UGT1A9: variants seen among roughly 807,000 people sequenced by gnomAD.
The protein encoded by UGT1A9 is UDP-glucuronosyltransferase 1A9.
Under a neutral mutation model 45.0 loss-of-function variants are expected in UGT1A9, and 35 were observed. The ratio of observed to expected loss-of-function variants is 0.78; its 90% CI spans 0.59 to 1.03. The LOEUF is 1.03. Ranked by LOEUF, UGT1A9 falls within the 50% of genes least tolerant of loss-of-function variation. UGT1A9 has a pLI of 0.00. For missense variants in UGT1A9, 687 were observed against 666.6 expected (o/e 1.03, Z -0.34); for synonymous variants, 278 against 250.6 (o/e 1.11, Z -1.03).
At chr2:233,768,773 A>T (rs1302611596) in intron 4 of UGT1A9, among the ~76,000 whole-genome samples, 2 of 151,734 alleles carry the variant, frequency 1.3e-5, no homozygotes, top group Non-Finnish European at 2.9e-5. Context: ...TAGTAGAGAA[A>T]GGGTTTCACC....
chr2:233,716,632 A>G (rs1442427845), intron 1 of UGT1A9, among the ~76,000 whole-genome samples: 1 of 152,158 alleles, frequency 6.6e-6, no homozygotes, highest in Non-Finnish European at 1.5e-5. Flanking sequence ...TGAAGTTTTT[A>G]TCGTTTGTAC....
intron 1 of UGT1A9, among the ~76,000 whole-genome samples, chr2:233,694,485 A>G (rs2075222976): frequency 6.6e-6 from 1 of 152,214 alleles, no homozygotes; most frequent in South Asian, 2.1e-4. Context: ...CTGACCTAAG[A>G]CAAGTGTTTA....
chr2:233,755,298 C>A, intron 1 of UGT1A9: 1 of 620,154 alleles, frequency 1.6e-6, no homozygotes. Flanking sequence ...CTGCGGGGCA[C>A]TGGCACAGCG....
At chr2:233,720,268 C>T (rs1303323026) in intron 1 of UGT1A9, among the ~76,000 whole-genome samples, 2 of 152,036 alleles carry the variant, frequency 1.3e-5, no homozygotes, top group East Asian at 3.9e-4. Context: ...GGGATCTGTC[C>T]TGAGAAAAGT....
rs45625338 is a variant in UGT1A9 at position 233,729,259 on chromosome 2, C to T, written c.856-37775C>T. 3,601 of 1,614,078 alleles carry T rather than the reference C, an allele frequency of 2.2e-3. 92 individuals are homozygous for T. In the East Asian group the frequency reaches 0.052, roughly 23 times the overall value. On this transcript the variant is annotated intron_variant, in intron 1 of 4. Transcript: ENST00000354728. ...TGATGGCAGCCACTGGCTCAGCATGCGGGAGGTCTTGCGGGAGCTCCATGC... is the reference window on the plus strand; with the variant it reads ...TGATGGCAGCCACTGGCTCAGCATGTGGGAGGTCTTGCGGGAGCTCCATGC...
At chr2:233,718,851 C>G in intron 1 of UGT1A9, 1 of 1,613,708 alleles carries the variant, frequency 6.2e-7, no homozygotes. Context: ...TCCCCTGCCG[C>G]GGCTGGCCAC....
intron 1 of UGT1A9, among the ~76,000 whole-genome samples, chr2:233,766,279 G>A (rs886209261): frequency 2.6e-5 from 4 of 151,814 alleles, no homozygotes; most frequent in Non-Finnish European, 4.4e-5. Context: ...TCGGTGGCCC[G>A]GGCTCGGTGG....
Position 233,719,515 on chromosome 2 carries a change from C to A in UGT1A9, c.855+46726C>A, listed in dbSNP as rs764297894. The A allele has an allele frequency of 1.9e-6, 3 of 1,613,962 alleles. No individual in the cohort carries two copies. In the Admixed American group the frequency reaches 5.0e-5, roughly 27 times the overall value. On this transcript the variant is annotated intron_variant, in intron 1 of 4. Coordinates refer to ENST00000354728, the MANE Select transcript of UGT1A9 (RefSeq NM_021027.3). ...TGCCATACTTTTTCTGCCCCTTATG[C>A]AAGTCTTGCCTCTGAGCTTTTTCAG...
At position 233,754,943 on chromosome 2, in the gene UGT1A9, T is replaced by C. The variant is rs746665032; in HGVS notation, c.856-12091T>C. 5.3e-6 allele frequency: 7 copies of C among 1,332,236 alleles called. No individual in the cohort carries two copies. The African/African-American group carries it at 1.0e-4, about 20-fold the overall frequency. The allele number at this position is 1,332,236 out of a possible 1,614,324, so 82.5% of individuals were successfully genotyped here. The stretch of plus-strand genomic sequence containing the variant: ...GGTTTCCCAAGAGGTCAAAGGAGAA[T>C]GGGTCCCGGCCGCCAAAGAACTCCC... On this transcript the variant is annotated intron_variant, in intron 1 of 4. Transcript: ENST00000354728.
Position 233,672,225 on chromosome 2 carries a change from A to G in UGT1A9, c.291A>G (p.Gln97=), listed in dbSNP as rs779311693. The G allele has an allele frequency of 1.9e-6, 3 of 1,614,132 alleles. No individual in the cohort carries two copies. The highest frequency in any genetic ancestry group is 2.2e-5 in the East Asian group (1 of 44,892). The change falls in exon 1 of 5, where the codon CAA becomes CAG. Residue 97 remains glutamine (Q), a synonymous_variant. Coordinates refer to ENST00000354728, the MANE Select transcript of UGT1A9 (RefSeq NM_021027.3). ...DREFKAFAHA[Q]WKAQVRSIYS... is the part of the protein sequence containing the mutation. ...AGTTCAAGGCTTTTGCCCATGCTCA[A>G]TGGAAAGCACAAGTACGAAGTATAT...
intron 1 of UGT1A9, among the ~76,000 whole-genome samples, chr2:233,679,519 T>A (rs2074454674): frequency 6.6e-6 from 1 of 152,216 alleles, no homozygotes; most frequent in African/African-American, 2.4e-5. Context: ...GTTTTCTTCC[T>A]TGCCAATAAA....
intron 1 of UGT1A9, among the ~76,000 whole-genome samples, chr2:233,725,008 C>T (rs1479605569): frequency 5.4e-5 from 8 of 148,164 alleles, no homozygotes; most frequent in African/African-American, 2.0e-4. Context: ...ACCGGCCCGG[C>T]CAAACAGCAA....
intron 1 of UGT1A9, among the ~76,000 whole-genome samples, chr2:233,745,639 G>A (rs182919627): frequency 4.6e-5 from 7 of 151,616 alleles, no homozygotes; most frequent in African/African-American, 1.7e-4. Flanking sequence ...AAAGCTGGCC[G>A]AGGGTAGAGT....
intron 1 of UGT1A9, among the ~76,000 whole-genome samples, chr2:233,750,255 C>A (rs915928909): frequency 1.3e-5 from 2 of 151,886 alleles, no homozygotes; most frequent in Admixed American, 1.3e-4. Context: ...CAAAGGTCAC[C>A]CTTGCTATGC....
intron 1 of UGT1A9, among the ~76,000 whole-genome samples, chr2:233,686,553 A>T (rs577656065): frequency 6.6e-6 from 1 of 152,138 alleles, no homozygotes; most frequent in South Asian, 2.1e-4. Flanking sequence ...GGCTTTCTGA[A>T]ATCCCTGGTT....
chr2:233,710,827 C>T (rs1223443223), intron 1 of UGT1A9, among the ~76,000 whole-genome samples: 2 of 152,170 alleles, frequency 1.3e-5, no homozygotes, highest in East Asian at 3.8e-4. Context: ...GAATCTTTGT[C>T]TACCAAAAGG....
At chr2:233,771,313 C>G (rs1428095504) in intron 4 of UGT1A9, 1 of 152,138 alleles carries the variant, frequency 6.6e-6, no homozygotes, top group Non-Finnish European at 1.5e-5. Context: ...CCTTTTCCCT[C>G]TCCTCTTCAA....
rs533353525 is a variant in UGT1A9 at position 233,716,906 on chromosome 2, C to T, written c.855+44117C>T. ...GCCCAGACCCCTCCTCATCTCCAGA[C>T]CCTGGAAGCTGATGCCTTGGGCAGC... On this transcript the variant is annotated intron_variant, in intron 1 of 4. Transcript: ENST00000354728. 3.3e-5 allele frequency among the ~76,000 whole-genome samples: 5 copies of T among 152,262 alleles called. No individual in the cohort carries two copies. The South Asian group carries it at 8.3e-4, about 25-fold the overall frequency.
Position 233,718,755 on chromosome 2 carries a change from C to T in UGT1A9, c.855+45966C>T, listed in dbSNP as rs372600165. 8.4e-5 allele frequency: 135 copies of T among 1,612,200 alleles called. 1 individual carries two copies. The highest frequency in any genetic ancestry group is 4.7e-4 in the African/African-American group (35 of 74,854). On this transcript the variant is annotated intron_variant, in intron 1 of 4. Coordinates refer to ENST00000354728, the MANE Select transcript of UGT1A9 (RefSeq NM_021027.3). ...TGGCTCAATGACAAGGTAATTAAGGCGAAGGAAACAAATGTAGCAGGCACA... is the reference window on the plus strand; with the variant it reads ...TGGCTCAATGACAAGGTAATTAAGGTGAAGGAAACAAATGTAGCAGGCACA...
Sources: gnomAD v4.1 joint callset for allele counts (sites outside exome capture counted in the v4.1 genomes callset) on GRCh38, gnomAD v4.1.1 for gene constraint, MANE v1.5 for transcripts, NCBI Gene and HGNC (gene_info 2026-07-23, HGNC 2026-07-21) for gene names.